CDH23: variants seen among roughly 807,000 people sequenced by gnomAD.
The protein encoded by CDH23 is cadherin-23.
In CDH23, 189 loss-of-function variants were observed where a neutral mutation model predicts 317.1. The ratio of observed to expected loss-of-function variants is 0.60; its 90% CI spans 0.53 to 0.67. The LOEUF (loss-of-function observed/expected upper bound fraction) is 0.67. CDH23 is among the 30% of genes least tolerant of loss of function. The probability of loss-of-function intolerance (pLI) is 0.00; values close to 1 mark genes in which losing one functional copy is unlikely to be tolerated. For missense variants in CDH23, 4,401 were observed against 4,592.4 expected (o/e 0.96, Z 1.20); for synonymous variants, 1,839 against 1,876.8 (o/e 0.98, Z 0.52).
At chr10:71,526,334 A>C (rs1168334995) in intron 6 of CDH23, among the ~76,000 whole-genome samples, 1 of 152,166 alleles carries the variant, frequency 6.6e-6, no homozygotes, top group Non-Finnish European at 1.5e-5. Flanking sequence ...GTGGCTCTCC[A>C]CGTGGGCCCA....
chr10:71,598,163 C>T (rs1859984133), intron 9 of CDH23, among the ~76,000 whole-genome samples: 1 of 152,238 alleles, frequency 6.6e-6, no homozygotes, highest in Non-Finnish European at 1.5e-5. Flanking sequence ...GGGGAGGCCA[C>T]AGCTGACCTT....
At chr10:71,542,233 G>A (rs1418730093) in intron 6 of CDH23, among the ~76,000 whole-genome samples, 2 of 152,198 alleles carry the variant, frequency 1.3e-5, no homozygotes, top group African/African-American at 4.8e-5. Context: ...AGGTATCTGG[G>A]CATCACAGCC....
At chr10:71,505,746 C>T (rs1853597465) in intron 3 of CDH23, among the ~76,000 whole-genome samples, 1 of 152,190 alleles carries the variant, frequency 6.6e-6, no homozygotes, top group Non-Finnish European at 1.5e-5. Context: ...ATCCTCCTTA[C>T]CGCTGAAAAA....
intron 3 of CDH23, among the ~76,000 whole-genome samples, chr10:71,506,758 A>G (rs2132184921): frequency 1.3e-5 from 2 of 152,346 alleles, no homozygotes; most frequent in East Asian, 3.9e-4. Flanking sequence ...CTTGTCTTAA[A>G]TATAATATTA....
At chr10:71,784,145 C>A in intron 41 of CDH23, 142 bp from the exon 42 acceptor site, 1 of 754,062 alleles carries the variant, frequency 1.3e-6, no homozygotes, top group Non-Finnish European at 2.1e-6. Flanking sequence ...GGATCTGAAG[C>A]TGGGGTCACT....
chr10:71,773,399 C>A (rs766522898), intron 38 of CDH23: 2 of 1,609,902 alleles, frequency 1.2e-6, no homozygotes, highest in Non-Finnish European at 1.7e-6. Context: ...CAGGGATCCC[C>A]AGCGCCAGCT....
At chr10:71,534,193 C>T (rs944322823) in intron 6 of CDH23, among the ~76,000 whole-genome samples, 14 of 152,146 alleles carry the variant, frequency 9.2e-5, no homozygotes, top group African/African-American at 2.2e-4. Flanking sequence ...ATTTCCAGCC[C>T]ACCCCCGATC....
At chr10:71,601,928 A>T (rs1430284717) in intron 9 of CDH23, among the ~76,000 whole-genome samples, 4 of 137,746 alleles carry the variant, frequency 2.9e-5, no homozygotes, top group Non-Finnish European at 6.3e-5. Flanking sequence ...CCCTTCAGGC[A>T]TTGGAGCAGG....
In CDH23 at chr10:71,751,980, A is replaced by G. The variant is rs1455755713; in HGVS notation, c.4845+10059A>G. 2.7e-6 allele frequency: 3 copies of G among 1,120,582 alleles called. No individual in the cohort carries two copies. The highest frequency in any genetic ancestry group is 3.1e-5 in the African/African-American group (2 of 64,234). The allele number at this position is 1,120,582 out of a possible 1,614,324, so 69.4% of individuals were successfully genotyped here. A position where few individuals can be genotyped will look rare whatever the true frequency, so the allele number is the denominator to read the frequency against. On this transcript the variant is annotated intron_variant, in intron 38 of 69. Transcript: ENST00000224721. This position sits in a 1 kb window ranked among gnomAD's most constrained non-coding sequence, Gnocchi z 4.9. ...ACCTACATCCCCATCCCCAAGCCTC[A>G]GCAGCATCTCCAAGCAAGAAGGCAG...
chr10:71,775,006 C>T (rs955021759), intron 38 of CDH23, among the ~76,000 whole-genome samples: 1 of 152,194 alleles, frequency 6.6e-6, no homozygotes, highest in Non-Finnish European at 1.5e-5. Context: ...TTGTGCAGGC[C>T]CAGTCCCCCT....
At position 71,793,653 on chromosome 10, in the gene CDH23, G is replaced by A; in HGVS notation, c.6712+13G>A. 5 of 1,541,220 alleles carry A rather than the reference G, an allele frequency of 3.2e-6. No homozygotes were observed. Among genetic ancestry groups the A allele is most frequent in the Non-Finnish European group, 4.4e-6 (5 of 1,140,264 alleles). ...AATATCAACACAGGTACAAGGGCCT[G>A]CACCCCTCCCACCTCCCTCCCAGCT... is the stretch of plus-strand genomic sequence containing the variant. On this transcript the variant is annotated intron_variant, in intron 48 of 69. Transcript: ENST00000224721.
intron 19 of CDH23, among the ~76,000 whole-genome samples, chr10:71,689,197 C>A (rs1056837561): frequency 1.1e-5 from 1 of 91,208 alleles, no homozygotes. Flanking sequence ...GGTGGTGGAG[C>A]CAGGGTTGGT....
Position 71,767,993 on chromosome 10 carries a change from C to G in CDH23, c.4846-9687C>G, listed in dbSNP as rs1259279569. Among the ~76,000 whole-genome samples the G allele has an allele frequency of 2.0e-5, 3 of 152,214 alleles. No homozygotes were observed. In the East Asian group the frequency reaches 5.8e-4, roughly 29 times the overall value. ...GTGGATGAACCCCTCCCAGACTCCC[C>G]AGGCCCTTTTGGAGGAGGACTGTGT... On this transcript the variant is annotated intron_variant, in intron 38 of 69. Coordinates refer to ENST00000224721, the MANE Select transcript of CDH23 (RefSeq NM_022124.6).
chr10:71,433,333 G>C (rs1849480571), intron 1 of CDH23, among the ~76,000 whole-genome samples: 1 of 152,174 alleles, frequency 6.6e-6, no homozygotes, highest in Non-Finnish European at 1.5e-5. Flanking sequence ...TGGTGTCCAC[G>C]TACAGCTATG....
intron 6 of CDH23, among the ~76,000 whole-genome samples, chr10:71,555,883 G>A (rs1454220107): frequency 6.6e-6 from 1 of 152,186 alleles, no homozygotes; most frequent in East Asian, 1.9e-4. Context: ...TGTGCATGGG[G>A]TGAGGGAGAG....
At chr10:71,406,543 A>G (rs1848107245) in intron 1 of CDH23, among the ~76,000 whole-genome samples, 2 of 152,198 alleles carry the variant, frequency 1.3e-5, no homozygotes, top group South Asian at 4.1e-4. Context: ...GGCAAACTGC[A>G]CATACTTACC....
intron 44 of CDH23, among the ~76,000 whole-genome samples, chr10:71,788,112 A>T (rs553805409): frequency 6.6e-6 from 1 of 152,292 alleles, no homozygotes; most frequent in South Asian, 2.1e-4. Context: ...CAGTGGCACA[A>T]TCTCGGCTCA....
intron 34 of CDH23, chr10:71,737,950 G>A (rs1355931933): frequency 2.5e-6 from 1 of 394,194 alleles, no homozygotes; most frequent in African/African-American, 2.1e-5. Context: ...CCACCTTGCA[G>A]CCCCCTCCTG....
rs563528195 is a variant in CDH23, at chr10:71,730,705, C to T, written c.3715+101C>T. On this transcript the variant is annotated intron_variant, in intron 31 of 69. Transcript: ENST00000224721. The stretch of plus-strand genomic sequence containing the variant: ...AAACGGTCATCCCTGATGCTTCAGG[C>T]TCCCCATTTAGCCATGTCTAGGCCA... 60 of 1,516,988 alleles carry T rather than the reference C, an allele frequency of 4.0e-5. 2 individuals carry two copies. In the South Asian group the frequency reaches 6.3e-4, roughly 16 times the overall value. The allele number at this position is 1,516,988 out of a possible 1,614,324, so 94.0% of individuals were successfully genotyped here.
Sources: gnomAD v4.1 joint callset for allele counts (sites outside exome capture counted in the v4.1 genomes callset) on GRCh38, gnomAD v4.1.1 for gene constraint, Gnocchi (gnomAD v3.1) non-coding constraint, MANE v1.5 for transcripts, NCBI Gene and HGNC (gene_info 2026-07-23, HGNC 2026-07-21) for gene names.